Variants in GCC2 observed in about 807,000 individuals in gnomAD.
GCC2 encodes the protein GRIP and coiled-coil domain-containing protein 2.
GCC2 carries 120 observed loss-of-function variants against 210.6 expected under a neutral mutation model. The ratio of observed to expected loss-of-function variants is 0.57; its 90% CI spans 0.49 to 0.66. The LOEUF is 0.66. Among genes scored for constraint, GCC2 ranks in the 30% least tolerant of loss-of-function variants. The pLI is 0.00. For missense variants in GCC2, 1,868 were observed against 1,871.9 expected, an observed-to-expected ratio of 1.00 and a Z score of 0.04; for synonymous variants, 703 against 652.7, an observed-to-expected ratio of 1.08 and a Z score of -1.17.
intron 6 of GCC2, 54 bp downstream of exon 6, chr2:108,472,170 A>G (rs1681268253): frequency 8.2e-7 from 1 of 1,218,638 alleles, no homozygotes; most frequent in Admixed American, 2.7e-5. Flanking sequence ...TCAACTCTAC[A>G]ATATATACGT....
intron 10 of GCC2, 116 bp downstream of exon 10, chr2:108,481,932 C>T (rs961004560): frequency 1.5e-6 from 1 of 675,748 alleles, no homozygotes; most frequent in African/African-American, 1.8e-5. Context: ...TCCCCCCCCA[C>T]TTTACCCTCC....
At chr2:108,478,008 T>C (rs931786800) in intron 9 of GCC2, among the ~76,000 whole-genome samples, 2 of 152,192 alleles carry the variant, frequency 1.3e-5, no homozygotes, top group Non-Finnish European at 2.9e-5. Context: ...ATTGTACCAC[T>C]GCACCCCTAC....
chr2:108,466,514 C>T (rs1680898123), intron 4 of GCC2, among the ~76,000 whole-genome samples: 1 of 151,396 alleles, frequency 6.6e-6, no homozygotes, highest in South Asian at 2.1e-4. Flanking sequence ...GCTCTGTCAC[C>T]CAGGCTGGAG....
intron 9 of GCC2, among the ~76,000 whole-genome samples, chr2:108,478,499 A>G (rs1681660953): frequency 1.3e-5 from 2 of 152,316 alleles, no homozygotes; most frequent in African/African-American, 4.8e-5. Flanking sequence ...AATAACTTGT[A>G]TCGGTTTATT....
Position 108,453,468 on chromosome 2 carries a change from T to C in GCC2, c.216+1002T>C, listed in dbSNP as rs912343494. ...TATAATACTGCCAGATAACAAAATA[T>C]TGTTTTTATTCCCCGTTTAAAAACC... On this transcript the variant is annotated intron_variant, in intron 4 of 22. Coordinates refer to ENST00000309863, the MANE Select transcript of GCC2 (RefSeq NM_181453.4). Among the ~76,000 whole-genome samples the C allele has an allele frequency of 5.3e-5, 8 of 152,340 alleles. No homozygotes were observed. The East Asian group carries it at 9.6e-4, about 18-fold the overall frequency.
At chr2:108,468,921 C>A in intron 4 of GCC2, 59 bp from the exon 5 acceptor site, 2 of 1,033,536 alleles carry the variant, frequency 1.9e-6, no homozygotes, top group Non-Finnish European at 3.1e-6. Flanking sequence ...GAGATAATTA[C>A]GCATGTGGTC....
In GCC2 at chr2:108,471,562, C is replaced by T. The variant is rs553327544; in HGVS notation, c.2233C>T (p.Leu745Phe). 1 of 1,608,834 alleles carries T rather than the reference C, an allele frequency of 6.2e-7. No individual in the cohort carries two copies. Among genetic ancestry groups the T allele is most frequent in the Admixed American group, 1.7e-5 (1 of 59,098 alleles). ...AGAGCAAGATAATTTAAATAAACTG[C>T]TTGAAAATGAGCAAGTTCAGAAGTT... ...VEEQDNLNKL[L>F]ENEQVQKLFV... The change falls in exon 6 of 23, where the codon CTT becomes TTT. Residue 745 changes from leucine (L) to phenylalanine (F), a missense_variant. Coordinates refer to ENST00000309863, the MANE Select transcript of GCC2 (RefSeq NM_181453.4).
chr2:108,503,228 CAGAG>C (rs898419586), intron 22 of GCC2, among the ~76,000 whole-genome samples: 1 of 151,608 alleles, frequency 6.6e-6, no homozygotes, highest in African/African-American at 2.4e-5. Flanking sequence ...CTAAAAAAGA[CAGAG>C]AGAAATCTCA....
chr2:108,453,081 G>C (rs1288181501), intron 4 of GCC2, among the ~76,000 whole-genome samples: 1 of 152,172 alleles, frequency 6.6e-6, no homozygotes, highest in Non-Finnish European at 1.5e-5. Flanking sequence ...AGTGATTTTA[G>C]GTGTACAGTA....
chr2:108,498,171 A>G (rs1421090216), intron 21 of GCC2, among the ~76,000 whole-genome samples: 2 of 141,412 alleles, frequency 1.4e-5, no homozygotes, highest in African/African-American at 5.4e-5. Flanking sequence ...ACTTATTTAA[A>G]TGTTATATTT....
chr2:108,504,970 C>CT (rs1158642413), intron 22 of GCC2, among the ~76,000 whole-genome samples: 5 of 152,168 alleles, frequency 3.3e-5, no homozygotes, highest in Admixed American at 6.5e-5. Flanking sequence ...CATACTCACA[C>CT]TGTAAGTGCC....
chr2:108,471,105 T>C lies in GCC2; in HGVS notation c.1776T>C (p.Leu592=). Residue 592 remains leucine, a synonymous_variant, in exon 6 of 23, where the codon CTT becomes CTC. Transcript: ENST00000309863. ...LKELEGKINS[L]TEEKDDFINK... Reference sequence around the variant, plus strand: ...AATTAGAAGGAAAGATAAATTCTCTTACTGAGGAAAAAGATGATTTTATAA... The same window carrying C: ...AATTAGAAGGAAAGATAAATTCTCTCACTGAGGAAAAAGATGATTTTATAA... 1 of 1,585,002 alleles carries C rather than the reference T, an allele frequency of 6.3e-7. No homozygotes were observed. The highest frequency in any genetic ancestry group is 8.6e-7 in the Non-Finnish European group (1 of 1,157,378).
chr2:108,485,565 A>G (rs1476215147), intron 13 of GCC2, 71 bp from the exon 14 acceptor site: 5 of 781,500 alleles, frequency 6.4e-6, no homozygotes, highest in African/African-American at 5.2e-5. Context: ...CAAAGAAGAC[A>G]TATTTGTGTA....
intron 12 of GCC2, among the ~76,000 whole-genome samples, 186 bp downstream of exon 12, chr2:108,483,352 T>G (rs1237863454): frequency 2.0e-5 from 3 of 152,090 alleles, no homozygotes; most frequent in Non-Finnish European, 4.4e-5. Flanking sequence ...GCCTTCCAAG[T>G]AGCCGAGATT....
At chr2:108,507,405 A>AACCCCCC in intron 22 of GCC2, 155 bp from the exon 23 acceptor site, 1 of 272,468 alleles carries the variant, frequency 3.7e-6, no homozygotes, top group African/African-American at 3.1e-5. Context: ...AAAAAAAAGA[A>AACCCCCC]CCCCCCCCCC....
chr2:108,507,446 AC>A, intron 22 of GCC2, 113 bp from the exon 23 acceptor site: 1 of 581,658 alleles, frequency 1.7e-6, no homozygotes, highest in South Asian at 2.0e-5. Flanking sequence ...AGTAAAAAAC[AC>A]ATTATTTGCT....
At chr2:108,449,516 A>G (rs1679787996) in intron 1 of GCC2, 117 bp from the exon 2 acceptor site, 2 of 1,258,142 alleles carry the variant, frequency 1.6e-6, no homozygotes, top group Non-Finnish European at 2.3e-6. Flanking sequence ...TCTCTGTCTC[A>G]CGAGGCTTTC....
intron 9 of GCC2, among the ~76,000 whole-genome samples, chr2:108,479,663 G>A (rs529819072): frequency 7.3e-5 from 11 of 150,778 alleles, no homozygotes; most frequent in East Asian, 4.0e-4. Flanking sequence ...TCGCAAGCAC[G>A]ATCCAAAAGA....
At chr2:108,460,281 G>T (rs1027344927) in intron 4 of GCC2, among the ~76,000 whole-genome samples, 1 of 152,170 alleles carries the variant, frequency 6.6e-6, no homozygotes, top group African/African-American at 2.4e-5. Context: ...TTTGTGGGCA[G>T]CACGTAGTCG....
Sources: allele counts gnomAD v4.1 joint callset (sites outside exome capture counted in the v4.1 genomes callset), GRCh38; gene constraint gnomAD v4.1.1; transcripts MANE v1.5; gene names NCBI Gene and HGNC (gene_info 2026-07-23, HGNC 2026-07-21).